SYT14: variants seen among roughly 807,000 people sequenced by gnomAD.
SYT14 encodes synaptotagmin 14.
SYT14 carries 32 observed loss-of-function variants against 74.2 expected under a neutral mutation model. The observed-to-expected ratio is 0.43, with a 90% CI of 0.33 to 0.58. The LOEUF is 0.58. Among genes scored for constraint, SYT14 ranks in the 20% least tolerant of loss-of-function variants. The pLI is 0.05. For missense variants in SYT14, 791 were observed against 981.8 expected (o/e 0.81, Z 2.60); for synonymous variants, 298 against 337.7 (o/e 0.88, Z 1.29).
chr1:209,953,285 A>G (rs1572059920), intron 2 of SYT14: 1 of 1,277,142 alleles, frequency 7.8e-7, no homozygotes, highest in Non-Finnish European at 1.0e-6. Flanking sequence ...GGTGGGAGGC[A>G]AGGAATCAGG....
At chr1:210,014,771 T>G (rs926767043) in intron 3 of SYT14, among the ~76,000 whole-genome samples, 1 of 152,100 alleles carries the variant, frequency 6.6e-6, no homozygotes, top group Non-Finnish European at 1.5e-5. Context: ...CAGTTCTGCT[T>G]TTTGATCATT....
intron 5 of SYT14, among the ~76,000 whole-genome samples, chr1:210,072,741 A>C (rs1337586785): frequency 6.6e-6 from 1 of 152,020 alleles, no homozygotes; most frequent in Non-Finnish European, 1.5e-5. Context: ...CCTGAGATTT[A>C]CTTTCTGTCT....
At chr1:210,016,767 G>A (rs1376271139) in exon 4 of SYT14, 26 of 1,231,650 alleles carry the variant, frequency 2.1e-5, no homozygotes, top group Non-Finnish European at 2.0e-6. Flanking sequence ...CCCGATTTAG[G>A]GCATTCAGAT....
intron 7 of SYT14, among the ~76,000 whole-genome samples, chr1:210,111,541 G>A (rs1244249155): frequency 1.3e-5 from 2 of 151,298 alleles, no homozygotes; most frequent in East Asian, 3.9e-4. Flanking sequence ...GAGATAATGG[G>A]CAATGTTTCT....
intron 2 of SYT14, chr1:209,953,103 T>C: frequency 7.6e-7 from 1 of 1,308,742 alleles, no homozygotes. Flanking sequence ...TCTGTTCTAT[T>C]ACTGTACCCC....
chr1:210,034,536 T>G (rs1014785479), intron 5 of SYT14, among the ~76,000 whole-genome samples: 8 of 151,712 alleles, frequency 5.3e-5, no homozygotes, highest in Non-Finnish European at 1.0e-4. Flanking sequence ...GTGTAACCAT[T>G]ACCCAAATAG....
chr1:210,016,636 T>A lies in SYT14; in HGVS notation c.633T>A (p.Tyr211Ter). The A allele has an allele frequency of 8.1e-7, 1 of 1,231,822 alleles. No homozygotes were observed. Among genetic ancestry groups the A allele is most frequent in the Non-Finnish European group, 1.0e-6 (1 of 987,846 alleles). The allele number at this position is 1,231,822 out of a possible 1,614,324, so 76.3% of individuals were successfully genotyped here. A position where few individuals can be genotyped will look rare whatever the true frequency, so the allele number is the denominator to read the frequency against. Residue 211 changes from tyrosine (Y) to a stop codon, truncating the protein, a stop_gained, in exon 4 of 10, where the codon TAT (tyrosine) becomes TAA (stop). Transcript: ENST00000637265. LOFTEE classifies it high-confidence loss of function. ...ATGCCAACGGAATAAACAAATTGTA[T>A]GAGCAAAAGAAATATGTTGGTACAG...
intron 5 of SYT14, among the ~76,000 whole-genome samples, chr1:210,049,204 C>T (rs1471055345): frequency 6.6e-6 from 1 of 152,156 alleles, no homozygotes; most frequent in Non-Finnish European, 1.5e-5. Flanking sequence ...CCTTTTCTCA[C>T]AGCTCCACTA....
intron 7 of SYT14, among the ~76,000 whole-genome samples, chr1:210,137,527 A>G (rs1412392255): frequency 6.6e-6 from 1 of 152,124 alleles, no homozygotes; most frequent in Non-Finnish European, 1.5e-5. Flanking sequence ...CTCCAGAACA[A>G]CTAGATATGT....
rs192198831 is a variant in SYT14 at position 210,130,058 on chromosome 1, G to T, written c.2035-25663G>T. Among the ~76,000 whole-genome samples, 67 of 152,288 alleles carry T rather than the reference G, an allele frequency of 4.4e-4. 1 individual carries two copies. In the East Asian group the frequency reaches 0.012, roughly 28 times the overall value. On this transcript the variant is annotated intron_variant, in intron 7 of 9. Coordinates refer to ENST00000637265, the Ensembl canonical transcript of SYT14. Reference sequence around the variant, plus strand: ...GTCACTGTTGAGTTCTGAAATATCTGTCGGGTCTGACCATAGACTTAACAT... The same window carrying T: ...GTCACTGTTGAGTTCTGAAATATCTTTCGGGTCTGACCATAGACTTAACAT...
intron 7 of SYT14, among the ~76,000 whole-genome samples, chr1:210,147,231 C>A (rs1230110257): frequency 1.3e-5 from 2 of 151,432 alleles, no homozygotes; most frequent in East Asian, 3.9e-4. Flanking sequence ...CCATATTGAA[C>A]TTCTAGAATG....
chr1:210,053,173 G>A (rs142972502), intron 5 of SYT14, among the ~76,000 whole-genome samples: 119 of 152,258 alleles, frequency 7.8e-4, no homozygotes, highest in Non-Finnish European at 1.4e-3. Flanking sequence ...TTATATTGTA[G>A]TAGAATCTCC....
chr1:210,004,470 TTACATCTCTTAATTTCATCA>T (rs1302339345), intron 2 of SYT14, among the ~76,000 whole-genome samples: 7 of 152,030 alleles, frequency 4.6e-5, no homozygotes, highest in East Asian at 1.9e-4. Flanking sequence ...CCACCAAATT[TTACATCTCTTAATTTCATCA>T]TACATCTCTT....
intron 7 of SYT14, among the ~76,000 whole-genome samples, chr1:210,102,984 T>C: frequency 6.6e-6 from 1 of 152,150 alleles, no homozygotes; most frequent in East Asian, 1.9e-4. Flanking sequence ...GGCCTTCTAG[T>C]AGCTTTTGAA....
intron 2 of SYT14, among the ~76,000 whole-genome samples, chr1:209,977,241 C>G (rs1342064831): frequency 6.6e-6 from 1 of 152,070 alleles, no homozygotes; most frequent in Non-Finnish European, 1.5e-5. Flanking sequence ...GAATTTGATC[C>G]TGTCATTATG....
rs4144930 is a variant in SYT14, at chr1:210,137,028, T to A, written c.2035-18693T>A. Reference sequence around the variant, plus strand: ...GATGGTACAGTCAGATGGCAGGAGCTTCAGACTGAACCACAATCTGCAGGA... The same window carrying A: ...GATGGTACAGTCAGATGGCAGGAGCATCAGACTGAACCACAATCTGCAGGA... On this transcript the variant is annotated intron_variant, in intron 7 of 9. Coordinates refer to ENST00000637265, the Ensembl canonical transcript of SYT14. Among the ~76,000 whole-genome samples, 2,488 of 152,260 alleles carry A rather than the reference T, an allele frequency of 0.016. 208 individuals are homozygous for A. In the East Asian group the frequency reaches 0.26, roughly 16 times the overall value.
chr1:210,160,084 G>A (rs1318907224), intron 9 of SYT14, among the ~76,000 whole-genome samples: 64 of 152,112 alleles, frequency 4.2e-4, no homozygotes, highest in Admixed American at 4.2e-3. Flanking sequence ...CCAGGAGAAA[G>A]TTTTACTTGG....
intron 2 of SYT14, among the ~76,000 whole-genome samples, chr1:210,000,500 A>ACACACACACAC (rs3031236): frequency 6.6e-5 from 10 of 150,484 alleles, no homozygotes; most frequent in African/African-American, 2.0e-4. Flanking sequence ...ACACACACAC[A>ACACACACACAC]ATCTAAGAAA....
chr1:210,151,511 C>CCT (rs1553289531), intron 7 of SYT14, among the ~76,000 whole-genome samples: 1 of 139,586 alleles, frequency 7.2e-6, no homozygotes, highest in Non-Finnish European at 1.5e-5. Flanking sequence ...AATGCCCCCC[C>CCT]CCTTTTTTTT....
Sources: allele counts gnomAD v4.1 joint callset (sites outside exome capture counted in the v4.1 genomes callset), GRCh38; gene constraint gnomAD v4.1.1; transcripts MANE v1.5; gene names NCBI Gene and HGNC (gene_info 2026-07-23, HGNC 2026-07-21).